Variants in TRIM33 observed in about 807,000 individuals in gnomAD.
TRIM33 encodes E3 ubiquitin-protein ligase TRIM33.
TRIM33 carries 20 observed loss-of-function variants against 125.4 expected under a neutral mutation model. That is an observed-to-expected ratio of 0.16 (90% CI 0.11 to 0.23). TRIM33 has a LOEUF of 0.23. Ranked by LOEUF, TRIM33 falls within the 10% of genes least tolerant of loss-of-function variation. The pLI, the probability that TRIM33 is intolerant of heterozygous loss-of-function variation, is 1.00. For missense variants in TRIM33, 920 were observed against 1,411.4 expected, an observed-to-expected ratio of 0.65 and a Z score of 5.58; for synonymous variants, 564 against 513.9, an observed-to-expected ratio of 1.10 and a Z score of -1.32.
chr1:114,453,093 G>T (rs1423299599), intron 4 of TRIM33, among the ~76,000 whole-genome samples: 2 of 152,198 alleles, frequency 1.3e-5, no homozygotes, highest in African/African-American at 4.8e-5. Context: ...GATAGGCACA[G>T]TGGCTCATGC....
chr1:114,446,194 T>C (rs1228296981), intron 4 of TRIM33, among the ~76,000 whole-genome samples: 2 of 152,146 alleles, frequency 1.3e-5, no homozygotes, highest in Non-Finnish European at 2.9e-5. Context: ...GATGAGAGTA[T>C]TCATTGTCAG....
chr1:114,432,821 T>TTTCA (rs565295261), intron 5 of TRIM33, among the ~76,000 whole-genome samples: 73 of 152,308 alleles, frequency 4.8e-4, no homozygotes, highest in South Asian at 3.9e-3. Flanking sequence ...AAAGTACTAT[T>TTTCA]TTCATTCATT....
At chr1:114,443,237 A>G (rs900550109) in intron 4 of TRIM33, among the ~76,000 whole-genome samples, 4 of 152,014 alleles carry the variant, frequency 2.6e-5, no homozygotes, top group African/African-American at 9.7e-5. Context: ...CAAAAAAATT[A>G]GCCAGGTGTG....
At chr1:114,454,946 T>C (rs1649536404) in intron 4 of TRIM33, among the ~76,000 whole-genome samples, 1 of 152,316 alleles carries the variant, frequency 6.6e-6, no homozygotes, top group Non-Finnish European at 1.5e-5. Flanking sequence ...CCAGGGATTA[T>C]AGTACAAATT....
intron 4 of TRIM33, among the ~76,000 whole-genome samples, chr1:114,435,877 CTTTTTTTTT>C (rs34327766): frequency 0.014 from 1,017 of 73,346 alleles, 11 homozygotes; most frequent in African/African-American, 0.044. Flanking sequence ...TAGACACCCG[CTTTTTTTTT>C]TTTTTTTTTT....
At chr1:114,496,121 T>A (rs1189285074) in intron 1 of TRIM33, among the ~76,000 whole-genome samples, 1 of 152,224 alleles carries the variant, frequency 6.6e-6, no homozygotes, top group African/African-American at 2.4e-5. Flanking sequence ...TACAGTGAAA[T>A]GATTCTCAAT....
intron 4 of TRIM33, among the ~76,000 whole-genome samples, chr1:114,452,369 A>G (rs564896055): frequency 6.6e-5 from 10 of 152,242 alleles, no homozygotes; most frequent in Non-Finnish European, 1.2e-4. Flanking sequence ...CTGAGGCAGG[A>G]GAATCGCTTG....
chr1:114,491,137 C>T (rs1652038432), intron 1 of TRIM33, among the ~76,000 whole-genome samples: 1 of 152,158 alleles, frequency 6.6e-6, no homozygotes, highest in Admixed American at 6.5e-5. Context: ...CTGAACCATA[C>T]ACTTCAAATG....
chr1:114,422,107 T>C (rs1475949827), intron 10 of TRIM33, among the ~76,000 whole-genome samples: 3 of 152,264 alleles, frequency 2.0e-5, no homozygotes, highest in Middle Eastern at 6.8e-3. Flanking sequence ...CTTAGACAAA[T>C]CACATAATCT....
rs1463568528 is a variant in TRIM33 at position 114,424,172 on chromosome 1, A to G, written c.1860+419T>C. Among the ~76,000 whole-genome samples, 3 of 152,232 alleles carry G rather than the reference A, an allele frequency of 2.0e-5. No homozygotes were observed. The East Asian group carries it at 5.8e-4, about 29-fold the overall frequency. Reference sequence around the variant, plus strand: ...TAAAAAAAAATAATAATAATAATACATATAGTTAGCTCTGTTACTCTCAAA... The same window carrying G: ...TAAAAAAAAATAATAATAATAATACGTATAGTTAGCTCTGTTACTCTCAAA... On this transcript the variant is annotated intron_variant, in intron 10 of 19. Transcript: ENST00000358465.
intron 1 of TRIM33, among the ~76,000 whole-genome samples, chr1:114,499,425 T>A (rs1338696099): frequency 1.3e-5 from 2 of 151,036 alleles, no homozygotes; most frequent in East Asian, 3.9e-4. Context: ...ACCAACAGCA[T>A]GGAAATGAAG....
At chr1:114,502,810 C>G (rs928644040) in intron 1 of TRIM33, among the ~76,000 whole-genome samples, 2 of 152,082 alleles carry the variant, frequency 1.3e-5, no homozygotes, top group Admixed American at 1.3e-4. Context: ...TCCGGCACGA[C>G]AGGTTTAAAC....
intron 11 of TRIM33, among the ~76,000 whole-genome samples, chr1:114,417,342 A>T (rs1430255422): frequency 6.6e-6 from 1 of 152,214 alleles, no homozygotes; most frequent in Non-Finnish European, 1.5e-5. Context: ...ATCTCATGGT[A>T]TATGAATTGT....
At chr1:114,410,486 G>A (rs1652516588) in intron 11 of TRIM33, among the ~76,000 whole-genome samples, 170 bp from the exon 12 acceptor site, 1 of 152,100 alleles carries the variant, frequency 6.6e-6, no homozygotes, top group Non-Finnish European at 1.5e-5. Context: ...ACAGTATAAA[G>A]TTTATTTAGA....
intron 12 of TRIM33, among the ~76,000 whole-genome samples, chr1:114,409,035 C>T (rs891053835): frequency 9.2e-5 from 14 of 152,164 alleles, no homozygotes; most frequent in Non-Finnish European, 1.5e-4. Flanking sequence ...AAATATTCTA[C>T]TTAGGTTCCC....
Position 114,464,125 on chromosome 1 carries a change from A to AT in TRIM33, c.645+144dup, listed in dbSNP as rs1572086388. 3 of 503,510 alleles carry AT rather than the reference A, an allele frequency of 6.0e-6. No homozygotes were observed. The East Asian group carries it at 1.0e-4, about 18-fold the overall frequency. 31.2% of individuals were successfully genotyped at this position (503,510 alleles called of 1,614,324 possible). A position where few individuals can be genotyped will look rare whatever the true frequency, so the allele number is the denominator to read the frequency against. ...CTCATTTAACTAAGTTTGAGAGTAT[A>AT]TAAGAAAGCTATCTTTAACTTTCTA... is the stretch of plus-strand genomic sequence containing the variant. On this transcript the variant is annotated intron_variant, in intron 2 of 19. Transcript: ENST00000358465.
chr1:114,442,687 C>CAAAAAAAA (rs34847018), intron 4 of TRIM33, among the ~76,000 whole-genome samples: 7 of 73,864 alleles, frequency 9.5e-5, no homozygotes, highest in Non-Finnish European at 1.1e-4. Flanking sequence ...GACTCTGTCT[C>CAAAAAAAA]AAAAAAAAAA....
intron 18 of TRIM33, among the ~76,000 whole-genome samples, chr1:114,398,224 G>A (rs1055133025): frequency 8.5e-5 from 13 of 152,112 alleles, no homozygotes; most frequent in African/African-American, 2.2e-4. Context: ...GAATTATCAA[G>A]GTCAATCTGA....
chr1:114,510,782 G>C lies in TRIM33; in HGVS notation c.295C>G (p.Pro99Ala), dbSNP rs1434235806. The C allele has an allele frequency of 2.6e-6, 4 of 1,521,178 alleles. No homozygotes were observed. Among genetic ancestry groups the C allele is most frequent in the South Asian group, 1.2e-5 (1 of 82,248 alleles). 94.2% of individuals were successfully genotyped at this position (1,521,178 alleles called of 1,614,324 possible). Residue 99 changes from proline to alanine, a missense_variant, in exon 1 of 20, where the codon CCA becomes GCA. Around this residue, in one of 8 missense-constraint regions of TRIM33, gnomAD observed 233 missense variants for 189.6 expected, o/e 1.23. Coordinates refer to ENST00000358465, the MANE Select transcript of TRIM33 (RefSeq NM_015906.4). ...VAGGAVSTPA[P>A]APASAPAPGP... ...GGAGCGGGAGCCGAGGCTGGAGCTG[G>C]AGCCGGCGTCGATACTGCGCCCCCG... is the stretch of plus-strand genomic sequence containing the variant.
Sources: allele counts gnomAD v4.1 joint callset (sites outside exome capture counted in the v4.1 genomes callset), GRCh38; gene constraint gnomAD v4.1.1; regional missense constraint gnomAD v4.1.1; transcripts MANE v1.5; gene names NCBI Gene and HGNC (gene_info 2026-07-23, HGNC 2026-07-21).